Variants in DNM3 observed in about 807,000 individuals in gnomAD.
The protein encoded by DNM3 is dynamin 3, also known as dynamin-3.
DNM3 carries 47 observed loss-of-function variants against 101.6 expected under a neutral mutation model. The ratio of observed to expected loss-of-function variants is 0.46; its 90% CI spans 0.37 to 0.59. The LOEUF (loss-of-function observed/expected upper bound fraction) is 0.59, where lower values mean the gene tolerates loss of function less well. Among genes scored for constraint, DNM3 ranks in the 20% least tolerant of loss-of-function variants. DNM3 has a pLI of 0.00. For synonymous variants in DNM3, 385 were observed against 387.9 expected (o/e 0.99, Z 0.09); for missense variants, 849 against 1,085.7 (o/e 0.78, Z 3.06).
chr1:172,099,033 GGACACA>G (rs1446873727), intron 13 of DNM3, among the ~76,000 whole-genome samples: 1 of 152,176 alleles, frequency 6.6e-6, no homozygotes, highest in Non-Finnish European at 1.5e-5. Flanking sequence ...ATAAAGCTGA[GGACACA>G]GACAAATGAA....
chr1:172,287,682 G>A (rs2063750521), intron 15 of DNM3, among the ~76,000 whole-genome samples: 1 of 151,886 alleles, frequency 6.6e-6, no homozygotes, highest in Non-Finnish European at 1.5e-5. Context: ...ATGGTACTTT[G>A]AGACAACAGG....
At chr1:172,362,596 T>C (rs955854613) in intron 17 of DNM3, among the ~76,000 whole-genome samples, 3 of 151,970 alleles carry the variant, frequency 2.0e-5, no homozygotes, top group Non-Finnish European at 4.4e-5. Context: ...ACTTCATATA[T>C]ACACATGTCT....
chr1:171,848,834 A>C (rs987756317), intron 1 of DNM3, among the ~76,000 whole-genome samples: 1 of 152,220 alleles, frequency 6.6e-6, no homozygotes, highest in Non-Finnish European at 1.5e-5. Flanking sequence ...AAAACAGAGC[A>C]GTTGTTGAGG....
chr1:172,182,349 G>A (rs530723853), intron 14 of DNM3, among the ~76,000 whole-genome samples: 1 of 152,204 alleles, frequency 6.6e-6, no homozygotes, highest in South Asian at 2.1e-4. Flanking sequence ...ACTGGGATAT[G>A]AGAAGCTAGA....
intron 1 of DNM3, among the ~76,000 whole-genome samples, chr1:171,889,665 A>T (rs1348007896): frequency 6.6e-6 from 1 of 152,238 alleles, no homozygotes; most frequent in African/African-American, 2.4e-5. Flanking sequence ...GAAAAGGTTA[A>T]GGCAAAAACA....
chr1:172,315,996 G>A (rs1053557229), intron 16 of DNM3, among the ~76,000 whole-genome samples: 69 of 152,136 alleles, frequency 4.5e-4, no homozygotes, highest in African/African-American at 1.6e-3. Flanking sequence ...GAGAAAGGTC[G>A]GGTTACCCAC....
intron 1 of DNM3, among the ~76,000 whole-genome samples, chr1:171,872,038 A>G (rs1457418395): frequency 6.6e-6 from 1 of 152,038 alleles, no homozygotes; most frequent in African/African-American, 2.4e-5. Context: ...TCACAGAGCT[A>G]GCTGATAACC....
At chr1:172,097,386 C>T (rs2054316683) in intron 13 of DNM3, among the ~76,000 whole-genome samples, 2 of 150,256 alleles carry the variant, frequency 1.3e-5, no homozygotes, top group Admixed American at 1.3e-4. Context: ...GGTGACAAAG[C>T]AAGACTGTCT....
At chr1:172,158,934 A>G (rs966473264) in intron 14 of DNM3, among the ~76,000 whole-genome samples, 3 of 152,098 alleles carry the variant, frequency 2.0e-5, no homozygotes, top group African/African-American at 7.2e-5. Context: ...TAGTGTTGAT[A>G]AAAACATGCT....
At chr1:172,184,358 T>C (rs914789779) in intron 14 of DNM3, among the ~76,000 whole-genome samples, 13 of 152,144 alleles carry the variant, frequency 8.5e-5, no homozygotes, top group Admixed American at 2.6e-4. Flanking sequence ...TTGTAAGACA[T>C]ACCCACTACA....
At chr1:172,075,105 G>T (rs193296831) in intron 11 of DNM3, among the ~76,000 whole-genome samples, 2 of 151,962 alleles carry the variant, frequency 1.3e-5, no homozygotes, top group East Asian at 3.9e-4. Flanking sequence ...TTTGTTGGCT[G>T]CATAAATGTC....
At chr1:171,895,866 G>A (rs1187127228) in intron 1 of DNM3, among the ~76,000 whole-genome samples, 1 of 152,164 alleles carries the variant, frequency 6.6e-6, no homozygotes, top group Non-Finnish European at 1.5e-5. Context: ...TGGCTAGCCA[G>A]TTTTCCCAGC....
intron 1 of DNM3, among the ~76,000 whole-genome samples, chr1:171,911,499 T>G (rs1227148448): frequency 6.6e-6 from 1 of 152,148 alleles, no homozygotes; most frequent in Non-Finnish European, 1.5e-5. Context: ...GCCAAGCTGG[T>G]CTCGAACTCC....
chr1:172,181,228 T>G (rs1456905852), intron 14 of DNM3, among the ~76,000 whole-genome samples: 1 of 152,080 alleles, frequency 6.6e-6, no homozygotes, highest in Non-Finnish European at 1.5e-5. Context: ...TTTTAATTGT[T>G]AGTACATTTC....
At chr1:172,047,974 G>A (rs1459911542) in intron 9 of DNM3, among the ~76,000 whole-genome samples, 2 of 152,010 alleles carry the variant, frequency 1.3e-5, no homozygotes, top group African/African-American at 2.4e-5. Flanking sequence ...CATTTTTTAT[G>A]AATCACATAT....
intron 14 of DNM3, among the ~76,000 whole-genome samples, chr1:172,223,123 A>G (rs1214681551): frequency 6.6e-6 from 1 of 152,050 alleles, no homozygotes; most frequent in African/African-American, 2.4e-5. Flanking sequence ...TATACAGTAC[A>G]ATATTGTTAA....
intron 14 of DNM3, among the ~76,000 whole-genome samples, chr1:172,171,518 T>A (rs1309175451): frequency 1.3e-5 from 2 of 151,664 alleles, no homozygotes; most frequent in Non-Finnish European, 3.0e-5. Context: ...CTACAGAAAA[T>A]AGGTTAGCTG....
intron 4 of DNM3, among the ~76,000 whole-genome samples, chr1:171,994,527 G>GC (rs141568558): frequency 0.32 from 49,003 of 151,958 alleles, 12,081 homozygotes; most frequent in African/African-American, 0.7. Flanking sequence ...CTTATGCAGA[G>GC]CTCAAGGTGA....
chr1:171,963,082 C>T (rs989514231), intron 2 of DNM3, among the ~76,000 whole-genome samples: 1 of 152,122 alleles, frequency 6.6e-6, no homozygotes, highest in African/African-American at 2.4e-5. Context: ...GAAACTGGCA[C>T]ATAAAGGTTT....
Sources: allele counts gnomAD v4.1 joint callset (sites outside exome capture counted in the v4.1 genomes callset), GRCh38; gene constraint gnomAD v4.1.1; transcripts MANE v1.5; gene names NCBI Gene and HGNC (gene_info 2026-07-23, HGNC 2026-07-21).